TMEM67: variants seen among roughly 807,000 people sequenced by gnomAD.
TMEM67 encodes meckelin.
Under a neutral mutation model 136.6 loss-of-function variants are expected in TMEM67, and 124 were observed. The ratio of observed to expected loss-of-function variants is 0.91; its 90% CI spans 0.78 to 1.05. The LOEUF is 1.05. Ranked by LOEUF, TMEM67 falls within the 50% of genes least tolerant of loss-of-function variation. The probability of loss-of-function intolerance (pLI) is 0.00; values close to 1 mark genes in which losing one functional copy is unlikely to be tolerated. For synonymous variants in TMEM67, 364 were observed against 390.5 expected (o/e 0.93, Z 0.80); for missense variants, 1,107 against 1,178.4 (o/e 0.94, Z 0.89).
chr8:93,792,599 A>G (rs552018795), intron 15 of TMEM67, among the ~76,000 whole-genome samples: 1 of 152,246 alleles, frequency 6.6e-6, no homozygotes, highest in Admixed American at 6.5e-5. Context: ...GAACTTTACT[A>G]TAAGGAGAAA....
Position 93,804,824 on chromosome 8 carries a change from T to A in TMEM67, c.2385T>A (p.His795Gln), listed in dbSNP as rs1467056635. ...FGYYIHGRSV[H>Q]GHADTNMEEM... ...ATTACATTCATGGTAGATCAGTACATGGGCATGCAGATACTAATATGGAAG... is the reference window on the plus strand; with the variant it reads ...ATTACATTCATGGTAGATCAGTACAAGGGCATGCAGATACTAATATGGAAG... The change falls in exon 23 of 28, where the codon CAT becomes CAA. Residue 795 changes from histidine (H) to glutamine (Q), a missense_variant. His to Gln is a conservative substitution (Grantham distance 24, BLOSUM62 0). Around this residue, in one of 3 missense-constraint regions of TMEM67, gnomAD observed 925 missense variants for 1,002.4 expected, o/e 0.92. Coordinates refer to ENST00000453321, the MANE Select transcript of TMEM67 (RefSeq NM_153704.6). The A allele has an allele frequency of 6.2e-7, 1 of 1,608,388 alleles. No individual in the cohort carries two copies. The highest frequency in any genetic ancestry group is 1.3e-5 in the African/African-American group (1 of 74,792).
At chr8:93,818,926 C>T (rs900447528), downstream of TMEM67, 13 of 363,172 alleles carry the variant, frequency 3.6e-5, no homozygotes, top group Admixed American at 4.3e-4. Context: ...CTCAGCCTCC[C>T]AAGTAGCTGG....
chr8:93,803,909 C>T (rs1172190886), intron 22 of TMEM67, among the ~76,000 whole-genome samples: 1 of 148,780 alleles, frequency 6.7e-6, no homozygotes, highest in East Asian at 2.0e-4. Flanking sequence ...CGGTCTTGCT[C>T]CATCACCCAG....
upstream of TMEM67, chr8:93,754,876 TG>T (rs145334032): frequency 3.6e-4 from 565 of 1,587,148 alleles, no homozygotes; most frequent in African/African-American, 5.6e-3. Flanking sequence ...CAGAGGCTGA[TG>T]GGGGGCTGGA....
intron 12 of TMEM67, chr8:93,785,765 G>T: frequency 4.8e-6 from 1 of 206,814 alleles, no homozygotes; most frequent in African/African-American, 2.4e-5. Context: ...CCAAATTTAT[G>T]AAAAGTTCAA....
intron 6 of TMEM67, among the ~76,000 whole-genome samples, chr8:93,770,058 AT>A (rs1813264382): frequency 6.6e-6 from 1 of 152,166 alleles, no homozygotes; most frequent in South Asian, 2.1e-4. Context: ...CCTCAAATAC[AT>A]TAATAGTGAA....
At chr8:93,828,304 C>A in the TMEM67 span, among the ~76,000 whole-genome samples, 1 of 152,152 alleles carries the variant, frequency 6.6e-6, no homozygotes, top group Non-Finnish European at 1.5e-5. Context: ...TCAGAGAAGA[C>A]ACCACCACCA....
At chr8:93,758,406 T>C in intron 2 of TMEM67, 77 bp from the exon 3 acceptor site, 1 of 1,078,152 alleles carries the variant, frequency 9.3e-7, no homozygotes, top group South Asian at 1.3e-5. Context: ...CATACTCTTA[T>C]GGCATTTTGA....
At chr8:93,796,129 A>C (rs1248290220) in intron 18 of TMEM67, 142 bp downstream of exon 18, 1 of 670,176 alleles carries the variant, frequency 1.5e-6, no homozygotes, top group Non-Finnish European at 2.6e-6. Flanking sequence ...TTATGTGGTA[A>C]ATTTACTTTT....
intron 7 of TMEM67, among the ~76,000 whole-genome samples, chr8:93,774,595 G>A (rs909464945): frequency 7.2e-5 from 11 of 152,266 alleles, no homozygotes; most frequent in Middle Eastern, 3.4e-3. Context: ...ACCTATGAGA[G>A]AGAACACAGA....
At chr8:93,823,443 G>C (rs1022555264), downstream of TMEM67, among the ~76,000 whole-genome samples, 1 of 151,952 alleles carries the variant, frequency 6.6e-6, no homozygotes, top group African/African-American at 2.4e-5. Context: ...GTGTGTGGGG[G>C]CGTTATTTTG....
intron 4 of TMEM67, 38 bp downstream of exon 4, chr8:93,763,979 T>G: frequency 8.2e-7 from 1 of 1,222,730 alleles, no homozygotes; most frequent in South Asian, 1.2e-5. Flanking sequence ...ATTAATATCA[T>G]CTTATATTAG....
chr8:93,759,841 G>T, intron 3 of TMEM67: 1 of 610,470 alleles, frequency 1.6e-6, no homozygotes. Flanking sequence ...GGCTAACAGG[G>T]TTTCTCCATG....
intron 3 of TMEM67, chr8:93,760,119 T>C: frequency 1.8e-6 from 1 of 549,334 alleles, no homozygotes; most frequent in East Asian, 4.5e-5. Flanking sequence ...TAAAGGACCC[T>C]AATAAATTCT....
At chr8:93,763,566 G>T (rs543330593) in intron 3 of TMEM67, among the ~76,000 whole-genome samples, 82 of 152,174 alleles carry the variant, frequency 5.4e-4, no homozygotes, top group Non-Finnish European at 9.0e-4. Context: ...TGACTTAATT[G>T]TTACGATGAC....
Position 93,772,590 on chromosome 8 carries a change from G to C in TMEM67, c.653G>C (p.Gly218Ala), listed in dbSNP as rs202036490. 259 of 1,610,878 alleles carry C rather than the reference G, an allele frequency of 1.6e-4. 1 individual carries two copies. The highest frequency in any genetic ancestry group is 9.9e-4 in the Middle Eastern group (6 of 6,046). ...RISAARYGEVGMSLTSEWFAK... is the reference protein window; with the variant it reads ...RISAARYGEVAMSLTSEWFAK... Reference sequence around the variant, plus strand: ...TAAAATGTATCTTTTTGTTTACAGGGCATGTCTTTAACTTCAGAATGGTTT... The same window carrying C: ...TAAAATGTATCTTTTTGTTTACAGGCCATGTCTTTAACTTCAGAATGGTTT... The change falls in exon 7 of 28, where the codon GGC becomes GCC. Residue 218 changes from glycine (G) to alanine (A), a missense_variant and splice_region_variant. By Grantham distance (60) the Gly-to-Ala change is moderately conservative (BLOSUM62 0). Coordinates refer to ENST00000453321, the MANE Select transcript of TMEM67 (RefSeq NM_153704.6).
intron 3 of TMEM67, chr8:93,760,030 A>C (rs1812756056): frequency 7.1e-7 from 1 of 1,415,968 alleles, no homozygotes; most frequent in African/African-American, 1.5e-5. Flanking sequence ...CAGGCTTTTA[A>C]GTGAAAATGC....
rs764991139 is a variant in TMEM67 at position 93,816,431 on chromosome 8, G to T, written c.2967G>T (p.Val989=). ...AGAATTTGGCATCCAAAACATTGGT[G>T]GATCAAAGATTTTTGATTTAACTTC... The part of the protein sequence containing the change: ...GQKNLASKTL[V]DQRFLI The change falls in exon 28 of 28, where the codon GTG becomes GTT. Residue 989 remains valine (V), a synonymous_variant. Coordinates refer to ENST00000453321, the MANE Select transcript of TMEM67 (RefSeq NM_153704.6). 6.3e-7 allele frequency: 1 copy of T among 1,594,442 alleles called. No individual in the cohort carries two copies. Among genetic ancestry groups the T allele is most frequent in the South Asian group, 1.1e-5 (1 of 89,578 alleles).
intron 26 of TMEM67, among the ~76,000 whole-genome samples, chr8:93,813,224 G>A (rs1221176113): frequency 1.3e-5 from 2 of 151,550 alleles, no homozygotes; most frequent in Admixed American, 6.6e-5. Context: ...TGTTGTCTAG[G>A]CTGGAGTGCA....
Sources: allele counts gnomAD v4.1 joint callset (sites outside exome capture counted in the v4.1 genomes callset), GRCh38; gene constraint gnomAD v4.1.1; regional missense constraint gnomAD v4.1.1; transcripts MANE v1.5; gene names NCBI Gene and HGNC (gene_info 2026-07-23, HGNC 2026-07-21).